Variants in ADCK5 observed in about 807,000 individuals in gnomAD.
The protein encoded by ADCK5 is aarF domain containing kinase 5, also known as uncharacterized aarF domain-containing protein kinase 5.
A neutral mutation model predicts 64.9 loss-of-function variants in ADCK5; 43 were observed. That is an observed-to-expected ratio of 0.66 (90% CI 0.52 to 0.85). The LOEUF (loss-of-function observed/expected upper bound fraction) is 0.85. Among genes scored for constraint, ADCK5 ranks in the 40% least tolerant of loss-of-function variants. The pLI, the probability that ADCK5 is intolerant of heterozygous loss-of-function variation, is 0.00. For synonymous variants in ADCK5, 434 were observed against 342.8 expected, an observed-to-expected ratio of 1.27 and a Z score of -2.94; for missense variants, 760 against 810.5, an observed-to-expected ratio of 0.94 and a Z score of 0.76.
At chr8:144,386,943 T>C (rs571909121) in intron 3 of ADCK5, among the ~76,000 whole-genome samples, 2 of 152,348 alleles carry the variant, frequency 1.3e-5, no homozygotes, top group East Asian at 1.9e-4. Context: ...TTGCACATGA[T>C]TGGACACCTT....
upstream of ADCK5, among the ~76,000 whole-genome samples, chr8:144,373,590 G>T (rs552337625): frequency 6.6e-6 from 1 of 152,350 alleles, no homozygotes; most frequent in Admixed American, 6.5e-5. Context: ...GACCCCTTTG[G>T]CCACTCTCCT....
chr8:144,390,771 CAGT>C (rs1554860223), intron 4 of ADCK5, 25 bp downstream of exon 4: 5 of 1,611,552 alleles, frequency 3.1e-6, no homozygotes, highest in South Asian at 1.1e-5. Context: ...CCTGGGCACA[CAGT>C]GGTGGGCATG....
intron 2 of ADCK5, among the ~76,000 whole-genome samples, chr8:144,381,372 G>T (rs1372422637): frequency 6.8e-6 from 1 of 148,038 alleles, no homozygotes; most frequent in Non-Finnish European, 1.5e-5. Context: ...TATGGGCCGG[G>T]TGTAGAAACA....
At chr8:144,375,228 A>G (rs1253420613) in intron 1 of ADCK5, among the ~76,000 whole-genome samples, 3 of 152,166 alleles carry the variant, frequency 2.0e-5, no homozygotes, top group African/African-American at 4.8e-5. Context: ...GGAGCTGCTC[A>G]TGGCCAGTGA....
chr8:144,382,849 C>T (rs1179798912), intron 2 of ADCK5, among the ~76,000 whole-genome samples: 1 of 152,262 alleles, frequency 6.6e-6, no homozygotes, highest in Non-Finnish European at 1.5e-5. Flanking sequence ...TCTGGACAGA[C>T]CTGAATGAGA....
chr8:144,375,733 A>T, intron 1 of ADCK5: 3 of 819,286 alleles, frequency 3.7e-6, no homozygotes, highest in Non-Finnish European at 4.4e-6. Flanking sequence ...TTGTGCAGAC[A>T]GACTGCACAC....
rs758292750 is a variant in ADCK5, at chr8:144,376,153, C to T, written c.12+2046C>T. Among the ~76,000 whole-genome samples the T allele has an allele frequency of 6.6e-6, 1 of 152,172 alleles. No homozygotes were observed. Among genetic ancestry groups the T allele is most frequent in the Non-Finnish European group, 1.5e-5 (1 of 68,036 alleles). The stretch of plus-strand genomic sequence containing the variant: ...ACAGGCTCTTGCTCAGCCTCATGGG[C>T]CCTGGCAGGCACTGTGGGTTATCAG... On this transcript the variant is annotated intron_variant, in intron 1 of 14. Coordinates refer to ENST00000308860, the MANE Select transcript of ADCK5 (RefSeq NM_174922.5). The surrounding 1 kb of genome is among the most constrained non-coding windows in gnomAD (Gnocchi z 5.1).
intron 2 of ADCK5, among the ~76,000 whole-genome samples, chr8:144,381,564 G>C (rs12679093): frequency 7.7e-6 from 1 of 129,514 alleles, no homozygotes; most frequent in Admixed American, 7.8e-5. Context: ...TCAGGCACCT[G>C]CCGCACTCAG....
Position 144,383,234 on chromosome 8 carries a change from G to A in ADCK5, c.266+4G>A. The A allele has an allele frequency of 6.4e-7, 1 of 1,567,062 alleles. No individual in the cohort carries two copies. Among genetic ancestry groups the A allele is most frequent in the South Asian group, 1.2e-5 (1 of 83,884 alleles). On this transcript the variant is annotated splice_donor_region_variant and intron_variant, in intron 3 of 14. Transcript: ENST00000308860. ...ATGGCATGGGGCGCTTTGGCAGGTA[G>A]GAGGGCCTGGCGGCAGGCAGGGGTT...
rs1820413084 is a variant in ADCK5 at position 144,393,117 on chromosome 8, C to T, written c.*43C>T. ...CCGGCGGGGCCCTTTTCACCTTGGG[C>T]TGACGGAGGTGGCGGGGCTAGAGGT... On this transcript the variant is annotated 3_prime_UTR_variant, in exon 15 of 15. Coordinates refer to ENST00000308860, the MANE Select transcript of ADCK5 (RefSeq NM_174922.5). 2 of 1,487,282 alleles carry T rather than the reference C, an allele frequency of 1.3e-6. No homozygotes were observed. The highest frequency in any genetic ancestry group is 1.3e-5 in the South Asian group (1 of 76,842). The allele number at this position is 1,487,282 out of a possible 1,614,324, so 92.1% of individuals were successfully genotyped here. A position where few individuals can be genotyped will look rare whatever the true frequency, so the allele number is the denominator to read the frequency against.
chr8:144,378,708 C>T (rs1418647143), intron 1 of ADCK5, among the ~76,000 whole-genome samples: 4 of 151,920 alleles, frequency 2.6e-5, no homozygotes, highest in African/African-American at 9.7e-5. Context: ...GGTGAAACTC[C>T]GTCTCTACTA....
rs556029264 is a variant in ADCK5, at chr8:144,384,467, C to T, written c.266+1237C>T. On this transcript the variant is annotated intron_variant, in intron 3 of 14. Transcript: ENST00000308860. The surrounding 1 kb of genome is among the most constrained non-coding windows in gnomAD (Gnocchi z 5.7). Reference sequence around the variant, plus strand: ...ACAGTCGTTCCCCACGTGGGTCTCCCTGGCATCTGGTTTTGCTTGGAGTTC... The same window carrying T: ...ACAGTCGTTCCCCACGTGGGTCTCCTTGGCATCTGGTTTTGCTTGGAGTTC... Among the ~76,000 whole-genome samples, 1 of 152,304 alleles carries T rather than the reference C, an allele frequency of 6.6e-6. No individual in the cohort carries two copies. Among genetic ancestry groups the T allele is most frequent in the South Asian group, 2.1e-4 (1 of 4,830 alleles).
Position 144,392,112 on chromosome 8 carries a change from G to A in ADCK5, c.1117G>A (p.Asp373Asn). The A allele has an allele frequency of 6.2e-7, 1 of 1,610,876 alleles. No homozygotes were observed. The highest frequency in any genetic ancestry group is 8.5e-7 in the Non-Finnish European group (1 of 1,179,404). Residue 373 changes from aspartate to asparagine, a missense_variant, in exon 11 of 15, where the codon GAC (aspartate) becomes AAC (asparagine). Physicochemically the swap from Asp to Asn is conservative, Grantham distance 23. Around this residue, in one of 2 missense-constraint regions of ADCK5, gnomAD observed 427 missense variants for 518.4 expected, o/e 0.82. Coordinates refer to ENST00000308860, the MANE Select transcript of ADCK5 (RefSeq NM_174922.5). ...PGNVLVRKGPDGKAELVLLDH... is the reference protein window; with the variant it reads ...PGNVLVRKGPNGKAELVLLDH... ...CCTAGTTCTGGTGCGGAAAGGCCCG[G>A]ACGGGAAAGCGGAGCTGGTGCTGCT...
In ADCK5 at chr8:144,392,009, A is replaced by G; in HGVS notation, c.1083A>G (p.Pro361=). The G allele has an allele frequency of 6.2e-7, 1 of 1,612,590 alleles. No individual in the cohort carries two copies. Among genetic ancestry groups the G allele is most frequent in the Non-Finnish European group, 8.5e-7 (1 of 1,179,942 alleles). ...IFYTGFIHSD[P]HPGNVLVRKG... is the part of the protein sequence containing the mutation. ...ACACCGGCTTCATCCACTCGGACCC[A>G]CATCCTGGCAACGGTAGGAATTTAC... is the stretch of plus-strand genomic sequence containing the variant. Residue 361 remains proline, a synonymous_variant, in exon 10 of 15, where the codon CCA becomes CCG. Transcript: ENST00000308860.
In ADCK5 at chr8:144,392,488, C is replaced by T. The variant is rs1820333092; in HGVS notation, c.1311C>T (p.Arg437=). The part of the protein sequence containing the change: ...FAEMLMQRPV[R]LGQLWGSHLL... ...AGATGCTCATGCAGCGCCCCGTGCG[C>T]CTGGGGCAGCTGTGGGGCTCGCACC... Residue 437 remains arginine, a synonymous_variant, in exon 13 of 15, where the codon CGC becomes CGT. Coordinates refer to ENST00000308860, the MANE Select transcript of ADCK5 (RefSeq NM_174922.5). The T allele has an allele frequency of 2.6e-6, 4 of 1,523,346 alleles. No individual in the cohort carries two copies. The highest frequency in any genetic ancestry group is 3.5e-6 in the Non-Finnish European group (4 of 1,138,338). 94.4% of individuals were successfully genotyped at this position (1,523,346 alleles called of 1,614,324 possible).
intron 2 of ADCK5, among the ~76,000 whole-genome samples, chr8:144,382,663 A>T (rs1554858512): frequency 1.3e-5 from 2 of 152,246 alleles, no homozygotes; most frequent in African/African-American, 2.4e-5. Flanking sequence ...CGACCGCAGC[A>T]TCTTCTCTGT....
intron 2 of ADCK5, among the ~76,000 whole-genome samples, chr8:144,381,260 CTGGGTGTAGAAT>C: frequency 6.9e-5 from 10 of 145,862 alleles, no homozygotes; most frequent in Admixed American, 2.0e-4. Context: ...GGATTATGGG[CTGGGTGTAGAAT>C]CAGATGTGTG....
chr8:144,391,422 T>C lies in ADCK5; in HGVS notation c.746T>C (p.Leu249Pro). ...DGDIHTLELL[L>P]RLVEVMHPSF... ...GACATCCACACCCTGGAGCTCCTGC[T>C]GCGGCTCGTTGAGGTCATGCACCCC... The change falls in exon 7 of 15, where the codon CTG becomes CCG. Residue 249 changes from leucine to proline, a missense_variant. By Grantham distance (98) the Leu-to-Pro change is moderately conservative. This residue lies in a region of ADCK5 where 427 missense variants were observed against 518.4 expected (regional missense o/e 0.82). Coordinates refer to ENST00000308860, the MANE Select transcript of ADCK5 (RefSeq NM_174922.5). 1 of 1,612,864 alleles carries C rather than the reference T, an allele frequency of 6.2e-7. No individual in the cohort carries two copies. Among genetic ancestry groups the C allele is most frequent in the Non-Finnish European group, 8.5e-7 (1 of 1,179,974 alleles).
Position 144,391,786 on chromosome 8 carries a change from G to T in ADCK5, c.934G>T (p.Val312Leu). The change falls in exon 9 of 15, where the codon GTG becomes TTG. Residue 312 changes from valine to leucine, a missense_variant. This residue lies in a region of ADCK5 where 427 missense variants were observed against 518.4 expected (regional missense o/e 0.82). Coordinates refer to ENST00000308860, the MANE Select transcript of ADCK5 (RefSeq NM_174922.5). Reference sequence around the variant, plus strand: ...CCCAGCCTCTTGCTCTCCCCAGCGCGTGCTCACTGCCGACTTCTGCGCCGG... The same window carrying T: ...CCCAGCCTCTTGCTCTCCCCAGCGCTTGCTCACTGCCGACTTCTGCGCCGG... Reference protein sequence around the residue: ...RVHWDKSSKRVLTADFCAGCK... With the variant: ...RVHWDKSSKRLLTADFCAGCK... 6.4e-7 allele frequency: 1 copy of T among 1,551,608 alleles called. No homozygotes were observed. Among genetic ancestry groups the T allele is most frequent in the Non-Finnish European group, 8.7e-7 (1 of 1,154,660 alleles).
Sources: allele counts gnomAD v4.1 joint callset (sites outside exome capture counted in the v4.1 genomes callset), GRCh38; gene constraint gnomAD v4.1.1; regional missense constraint gnomAD v4.1.1; non-coding constraint Gnocchi (gnomAD v3.1); transcripts MANE v1.5; gene names NCBI Gene and HGNC (gene_info 2026-07-23, HGNC 2026-07-21).